NEDD4L: variants seen among roughly 807,000 people sequenced by gnomAD.
The protein encoded by NEDD4L is E3 ubiquitin-protein ligase NEDD4-like.
NEDD4L carries 54 observed loss-of-function variants against 148.9 expected under a neutral mutation model. The observed-to-expected ratio is 0.36, with a 90% CI of 0.29 to 0.45. The LOEUF (loss-of-function observed/expected upper bound fraction) is 0.45. Among genes scored for constraint, NEDD4L ranks in the 20% least tolerant of loss-of-function variants. The pLI, the probability that NEDD4L is intolerant of heterozygous loss-of-function variation, is 1.00. For synonymous variants in NEDD4L, 433 were observed against 440.7 expected, an observed-to-expected ratio of 0.98 and a Z score of 0.22; for missense variants, 856 against 1,233.8, an observed-to-expected ratio of 0.69 and a Z score of 4.59.
intron 26 of NEDD4L, among the ~76,000 whole-genome samples, chr18:58,386,805 G>T (rs1182370138): frequency 6.6e-6 from 1 of 152,112 alleles, no homozygotes; most frequent in Non-Finnish European, 1.5e-5. Context: ...AACAGCTCGG[G>T]GCCTTAGGGA....
chr18:58,277,144 G>C (rs535160883), intron 5 of NEDD4L, among the ~76,000 whole-genome samples: 23 of 152,098 alleles, frequency 1.5e-4, no homozygotes, highest in Non-Finnish European at 2.9e-4. Context: ...TGTGGACGGG[G>C]AATCCTGTGT....
chr18:58,280,744 G>A (rs546001845), intron 5 of NEDD4L, among the ~76,000 whole-genome samples: 6 of 152,112 alleles, frequency 3.9e-5, no homozygotes, highest in Admixed American at 6.5e-5. Context: ...ATTATTTTTT[G>A]CTGTCTCCAA....
chr18:58,349,150 C>G (rs958191378), intron 16 of NEDD4L, among the ~76,000 whole-genome samples: 1 of 152,066 alleles, frequency 6.6e-6, no homozygotes, highest in Non-Finnish European at 1.5e-5. Context: ...ACCGGGAGCT[C>G]GGGACCCATG....
At chr18:58,328,312 G>A (rs1287021711) in intron 9 of NEDD4L, among the ~76,000 whole-genome samples, 1 of 152,160 alleles carries the variant, frequency 6.6e-6, no homozygotes, top group Admixed American at 6.5e-5. Flanking sequence ...CCTGAATTGA[G>A]AACATCACAT....
At position 58,195,055 on chromosome 18, in the gene NEDD4L, G is replaced by A. The variant is rs1347509227; in HGVS notation, c.122+29194G>A. On this transcript the variant is annotated intron_variant, in intron 2 of 30. Coordinates refer to ENST00000400345, the MANE Select transcript of NEDD4L (RefSeq NM_001144967.3). ...TCATGCCCTGTATGTGAGGACAGTG[G>A]GACAGTAATTTAAACAGAAGTATCT... Among the ~76,000 whole-genome samples the A allele has an allele frequency of 2.0e-5, 3 of 152,224 alleles. No individual in the cohort carries two copies. In the East Asian group the frequency reaches 5.8e-4, roughly 29 times the overall value.
chr18:58,270,036 G>A (rs2050800536), intron 5 of NEDD4L, among the ~76,000 whole-genome samples: 1 of 152,182 alleles, frequency 6.6e-6, no homozygotes, highest in South Asian at 2.1e-4. Flanking sequence ...GTAAGTAAAA[G>A]TGGAATTCCA....
chr18:58,343,160 C>T, intron 16 of NEDD4L, 57 bp downstream of exon 16: 2 of 1,449,644 alleles, frequency 1.4e-6, no homozygotes, highest in South Asian at 1.4e-5. Context: ...GCATTAATTC[C>T]TTGATTTCCT....
intron 26 of NEDD4L, 60 bp downstream of exon 26, chr18:58,385,646 T>C: frequency 7.4e-7 from 1 of 1,359,754 alleles, no homozygotes; most frequent in Non-Finnish European, 1.1e-6. Flanking sequence ...CGATGGGGGA[T>C]CGCGCTTCTC....
intron 1 of NEDD4L, among the ~76,000 whole-genome samples, chr18:58,078,858 T>G (rs548450304): frequency 8.5e-5 from 13 of 152,118 alleles, no homozygotes; most frequent in African/African-American, 3.1e-4. Context: ...GACAATATGG[T>G]GGTGAAAACA....
chr18:58,248,155 T>G (rs977110538), intron 3 of NEDD4L, among the ~76,000 whole-genome samples: 6 of 152,232 alleles, frequency 3.9e-5, no homozygotes, highest in Non-Finnish European at 7.3e-5. Context: ...TGCAGATGCA[T>G]GAACACACAT....
chr18:58,045,398 G>C (rs2144342482), intron 1 of NEDD4L: 1 of 373,086 alleles, frequency 2.7e-6, no homozygotes, highest in Non-Finnish European at 4.7e-6. Context: ...TTCAAAGCCC[G>C]GCACCTCCAG....
intron 19 of NEDD4L, among the ~76,000 whole-genome samples, chr18:58,358,306 T>C (rs1179815395): frequency 3.9e-5 from 6 of 152,216 alleles, no homozygotes; most frequent in African/African-American, 1.4e-4. Flanking sequence ...CAGTAGTACC[T>C]GGGTAAAAAC....
chr18:58,075,588 T>A (rs2083114890), intron 1 of NEDD4L, among the ~76,000 whole-genome samples: 1 of 152,164 alleles, frequency 6.6e-6, no homozygotes, highest in Admixed American at 6.5e-5. Flanking sequence ...ATGCTGGGAT[T>A]ACAGGTGTGA....
chr18:58,241,614 G>A (rs1331602684), intron 2 of NEDD4L, among the ~76,000 whole-genome samples: 3 of 151,992 alleles, frequency 2.0e-5, no homozygotes, highest in Non-Finnish European at 2.9e-5. Flanking sequence ...AGATTTGCAC[G>A]GGAAGTCAGG....
chr18:58,137,711 T>G (rs945144810), intron 1 of NEDD4L, among the ~76,000 whole-genome samples: 1 of 152,154 alleles, frequency 6.6e-6, no homozygotes, highest in Non-Finnish European at 1.5e-5. Context: ...ATTTGTTTTT[T>G]TTTCCAACCA....
chr18:58,234,320 C>T (rs1294909564), intron 2 of NEDD4L, among the ~76,000 whole-genome samples: 1 of 133,968 alleles, frequency 7.5e-6, no homozygotes, highest in Non-Finnish European at 1.6e-5. Context: ...CCCTTCCTCC[C>T]TCCTTCTCTC....
At chr18:58,275,002 C>T (rs904178992) in intron 5 of NEDD4L, among the ~76,000 whole-genome samples, 6 of 152,214 alleles carry the variant, frequency 3.9e-5, no homozygotes, top group African/African-American at 7.2e-5. Flanking sequence ...ATCATACCTA[C>T]ATACAGTTAA....
At chr18:58,355,027 G>T (rs986342211) in intron 18 of NEDD4L, among the ~76,000 whole-genome samples, 1 of 152,222 alleles carries the variant, frequency 6.6e-6, no homozygotes, top group African/African-American at 2.4e-5. Flanking sequence ...AAGCCAAAGG[G>T]TATCTGCCCG....
At chr18:58,179,379 G>A (rs1353433941) in intron 2 of NEDD4L, among the ~76,000 whole-genome samples, 2 of 152,064 alleles carry the variant, frequency 1.3e-5, no homozygotes, top group East Asian at 3.9e-4. Flanking sequence ...TGATGGCCTC[G>A]CCATCTGTAC....
Sources: gnomAD v4.1 joint callset for allele counts (sites outside exome capture counted in the v4.1 genomes callset) on GRCh38, gnomAD v4.1.1 for gene constraint, MANE v1.5 for transcripts, NCBI Gene and HGNC (gene_info 2026-07-23, HGNC 2026-07-21) for gene names.